PTPRO: variants seen among roughly 807,000 people sequenced by gnomAD.
PTPRO encodes protein tyrosine phosphatase receptor type O.
A neutral mutation model predicts 145.2 loss-of-function variants in PTPRO; 62 were observed. The ratio of observed to expected loss-of-function variants is 0.43; its 90% CI spans 0.35 to 0.53. The LOEUF (loss-of-function observed/expected upper bound fraction) is 0.53. PTPRO is among the 20% of genes least tolerant of loss of function. PTPRO has a pLI of 0.01. For synonymous variants in PTPRO, 565 were observed against 514.7 expected (o/e 1.10, Z -1.32); for missense variants, 1,345 against 1,482.7 (o/e 0.91, Z 1.53).
At chr12:15,479,483 T>C (rs1438049334) in intron 1 of PTPRO, among the ~76,000 whole-genome samples, 3 of 152,194 alleles carry the variant, frequency 2.0e-5, no homozygotes, top group South Asian at 2.1e-4. Context: ...CACTATTTCA[T>C]AGAGAGCCTC....
intron 1 of PTPRO, among the ~76,000 whole-genome samples, chr12:15,467,237 C>G (rs138374758): frequency 6.6e-6 from 1 of 152,140 alleles, no homozygotes; most frequent in Non-Finnish European, 1.5e-5. Context: ...GTCCAAACCT[C>G]TCTTCTGAAT....
chr12:15,510,649 A>G (rs937610352), intron 7 of PTPRO, among the ~76,000 whole-genome samples: 3 of 152,218 alleles, frequency 2.0e-5, no homozygotes, highest in Non-Finnish European at 4.4e-5. Flanking sequence ...AAGAAGACCA[A>G]TATTTAAAGG....
intron 1 of PTPRO, chr12:15,348,569 TAACACAGTGAAACCCCGTCTCTACTAAA>T (rs1265425044): frequency 6.6e-6 from 1 of 151,968 alleles, no homozygotes; most frequent in Non-Finnish European, 1.5e-5. Flanking sequence ...CCATCCTGGC[TAACACAGTGAAACCCCGTCTCTACTAAA>T]AACACAGTGA....
chr12:15,406,299 G>A (rs1453115314), intron 1 of PTPRO, among the ~76,000 whole-genome samples: 2 of 152,146 alleles, frequency 1.3e-5, no homozygotes, highest in Non-Finnish European at 2.9e-5. Flanking sequence ...AACACATGTA[G>A]GGATACATGC....
At chr12:15,456,215 T>G (rs1941173705) in intron 1 of PTPRO, among the ~76,000 whole-genome samples, 1 of 152,200 alleles carries the variant, frequency 6.6e-6, no homozygotes, top group South Asian at 2.1e-4. Context: ...TTTTCTACAT[T>G]TATTGAGATG....
chr12:15,366,238 T>G (rs975935809), intron 1 of PTPRO, among the ~76,000 whole-genome samples: 3 of 152,162 alleles, frequency 2.0e-5, no homozygotes, highest in African/African-American at 7.2e-5. Context: ...AGAAATACTT[T>G]CGGTTGCTAG....
intron 25 of PTPRO, among the ~76,000 whole-genome samples, chr12:15,590,439 C>T (rs1944524040): frequency 6.6e-6 from 1 of 152,176 alleles, no homozygotes; most frequent in African/African-American, 2.4e-5. Context: ...GGGTGGAGCG[C>T]TTGGGTAGAA....
chr12:15,596,963 T>C lies in PTPRO; in HGVS notation c.*890T>C, dbSNP rs923184813. On this transcript the variant is annotated 3_prime_UTR_variant, in exon 27 of 27. Transcript: ENST00000281171. ...TCCTTGTTCTGTTGACCTGCATACATGTGAGAGCTATTTCTTTAAGAACTA... is the reference window on the plus strand; with the variant it reads ...TCCTTGTTCTGTTGACCTGCATACACGTGAGAGCTATTTCTTTAAGAACTA... The C allele has an allele frequency of 2.6e-5, 4 of 152,656 alleles. No homozygotes were observed. Among genetic ancestry groups the C allele is most frequent in the African/African-American group, 4.8e-5 (2 of 41,452 alleles). 9.5% of individuals were successfully genotyped at this position (152,656 alleles called of 1,614,324 possible).
chr12:15,524,107 G>T (rs962685967), intron 10 of PTPRO, among the ~76,000 whole-genome samples: 29 of 145,996 alleles, frequency 2.0e-4, no homozygotes, highest in Admixed American at 1.9e-3. Context: ...AAATTTAAAT[G>T]CATAAGATGA....
At chr12:15,540,086 A>G (rs757269399) in intron 12 of PTPRO, among the ~76,000 whole-genome samples, 4 of 152,192 alleles carry the variant, frequency 2.6e-5, no homozygotes, top group Non-Finnish European at 5.9e-5. Context: ...TTCATTGCAT[A>G]TCAATCTTAA....
Position 15,586,984 on chromosome 12 carries a change from C to T in PTPRO, c.3343C>T (p.Leu1115=), listed in dbSNP as rs368951337. ...CACAGCAAATGCTGCAGAAAGTATC[C>T]TGCAGTTTGTACACATGGTCCGACA... ...VPTANAAESI[L]QFVHMVRQQA... is the part of the protein sequence containing the mutation. Residue 1115 remains leucine, a synonymous_variant, in exon 24 of 27, where the codon CTG becomes TTG. Transcript: ENST00000281171. The T allele has an allele frequency of 1.2e-6, 2 of 1,613,962 alleles. No individual in the cohort carries two copies. The highest frequency in any genetic ancestry group is 1.1e-5 in the South Asian group (1 of 91,088).
intron 10 of PTPRO, among the ~76,000 whole-genome samples, chr12:15,522,431 A>C (rs1165663845): frequency 6.7e-6 from 1 of 149,344 alleles, no homozygotes; most frequent in East Asian, 2.0e-4. Context: ...CCACCCCCCG[A>C]CAGTTCTCAT....
Position 15,532,100 on chromosome 12 carries a change from A to T in PTPRO, c.2164+5838A>T, listed in dbSNP as rs76379153. ...ATTGCATTTCTCCAGAACTCAATGC[A>T]TAGGTCACTGAGTCTTAAATTTCTT... is the stretch of plus-strand genomic sequence containing the variant. On this transcript the variant is annotated intron_variant, in intron 12 of 26. Coordinates refer to ENST00000281171, the MANE Select transcript of PTPRO (RefSeq NM_030667.3). 7.1e-3 allele frequency among the ~76,000 whole-genome samples: 1,086 copies of T among 152,312 alleles called. 13 individuals carry two copies. Among genetic ancestry groups the T allele is most frequent in the African/African-American group, 0.025 (1,037 of 41,582 alleles).
rs545924032 is a variant in PTPRO, at chr12:15,448,682, C to A, written c.76-35292C>A. 2.6e-5 allele frequency among the ~76,000 whole-genome samples: 4 copies of A among 151,932 alleles called. 1 individual carries two copies. The highest frequency in any genetic ancestry group is 9.7e-5 in the African/African-American group (4 of 41,444). On this transcript the variant is annotated intron_variant, in intron 1 of 26. Transcript: ENST00000281171. Reference sequence around the variant, plus strand: ...AGCAATCTTTTATCTGGGTATATACCCAAAGGAAATGAAATAAGCAACTCC... The same window carrying A: ...AGCAATCTTTTATCTGGGTATATACACAAAGGAAATGAAATAAGCAACTCC...
chr12:15,525,591 C>T (rs1490250046), intron 11 of PTPRO, among the ~76,000 whole-genome samples: 1 of 152,078 alleles, frequency 6.6e-6, no homozygotes, highest in East Asian at 1.9e-4. Context: ...TTCCAGCCTG[C>T]AGGAAGGGGA....
At chr12:15,454,551 T>C (rs977899972) in intron 1 of PTPRO, among the ~76,000 whole-genome samples, 4 of 152,204 alleles carry the variant, frequency 2.6e-5, no homozygotes, top group African/African-American at 9.6e-5. Context: ...TCCTTTGCTG[T>C]GCAGAAACTT....
Position 15,392,720 on chromosome 12 carries a change from C to CAAAA in PTPRO, c.75+69938_75+69941dup, listed in dbSNP as rs1177789187. ...TGGGTGACAGAGTGAGACCCTGTCT[C>CAAAA]AAAAAAAAAAAAAAAAAAAAAAGAA... On this transcript the variant is annotated intron_variant, in intron 1 of 26. Coordinates refer to ENST00000281171, the MANE Select transcript of PTPRO (RefSeq NM_030667.3). Among the ~76,000 whole-genome samples the CAAAA allele has an allele frequency of 1.1e-3, 71 of 66,622 alleles. 1 individual carries two copies. The highest frequency in any genetic ancestry group is 3.3e-3 in the African/African-American group (51 of 15,624). The allele number at this position is 66,622 out of a possible 152,430, so 43.7% of individuals were successfully genotyped here. A position where few individuals can be genotyped will look rare whatever the true frequency, so the allele number is the denominator to read the frequency against.
Position 15,515,551 on chromosome 12 carries a change from G to A in PTPRO, c.1518G>A (p.Gln506=). 1 of 1,614,026 alleles carries A rather than the reference G, an allele frequency of 6.2e-7. No homozygotes were observed. ...IENLVPGAQY[Q]VVIYLRKGPL... ...ATCTGGTTCCTGGTGCCCAGTACCAGGTTGTAATATACCTAAGGAAAGGCC... is the reference window on the plus strand; with the variant it reads ...ATCTGGTTCCTGGTGCCCAGTACCAAGTTGTAATATACCTAAGGAAAGGCC... The change falls in exon 8 of 27, where the codon CAG becomes CAA. Residue 506 remains glutamine (Q), a synonymous_variant. Transcript: ENST00000281171.
chr12:15,544,981 G>T (rs1943252779), intron 12 of PTPRO, among the ~76,000 whole-genome samples: 1 of 152,170 alleles, frequency 6.6e-6, no homozygotes, highest in African/African-American at 2.4e-5. Flanking sequence ...TCAAGTTGCT[G>T]CAGGAAAGAA....
Sources: allele counts gnomAD v4.1 joint callset (sites outside exome capture counted in the v4.1 genomes callset), GRCh38; gene constraint gnomAD v4.1.1; transcripts MANE v1.5; gene names NCBI Gene and HGNC (gene_info 2026-07-23, HGNC 2026-07-21).